RORA: variants seen among roughly 807,000 people sequenced by gnomAD.
The protein encoded by RORA is nuclear receptor ROR-alpha.
A neutral mutation model predicts 69.5 loss-of-function variants in RORA; 7 were observed. The observed-to-expected ratio is 0.10, with a 90% CI of 0.06 to 0.19. The LOEUF (loss-of-function observed/expected upper bound fraction) is 0.19. RORA is among the 10% of genes least tolerant of loss of function. RORA has a pLI of 1.00. For missense variants in RORA, 457 were observed against 663.0 expected (o/e 0.69, Z 3.41); for synonymous variants, 261 against 240.8 (o/e 1.08, Z -0.78).
At chr15:61,220,698 T>C (rs899971200) in intron 1 of RORA, among the ~76,000 whole-genome samples, 6 of 152,206 alleles carry the variant, frequency 3.9e-5, no homozygotes, top group Non-Finnish European at 8.8e-5. Flanking sequence ...TCAGACCTAT[T>C]CTTGCTGTTT....
intron 1 of RORA, among the ~76,000 whole-genome samples, chr15:61,086,819 T>A (rs2078632484): frequency 1.3e-5 from 2 of 152,144 alleles, no homozygotes; most frequent in Non-Finnish European, 2.9e-5. Flanking sequence ...CCAAACTCAT[T>A]TGTTTACGTA....
chr15:60,870,728 G>T (rs563814257), intron 1 of RORA, among the ~76,000 whole-genome samples: 1 of 152,324 alleles, frequency 6.6e-6, no homozygotes, highest in Admixed American at 6.5e-5. Flanking sequence ...TAGGCATTCT[G>T]GTTGTCAGTG....
intron 1 of RORA, among the ~76,000 whole-genome samples, chr15:60,840,802 T>C (rs997852989): frequency 6.6e-6 from 1 of 152,220 alleles, no homozygotes; most frequent in African/African-American, 2.4e-5. Flanking sequence ...CCTGTCTCCG[T>C]GGCCCGGCAG....
chr15:60,690,364 C>G (rs1028719763), intron 1 of RORA, among the ~76,000 whole-genome samples: 6 of 152,182 alleles, frequency 3.9e-5, no homozygotes, highest in African/African-American at 1.4e-4. Flanking sequence ...TCTGGATATC[C>G]TTTCTCTCTC....
intron 1 of RORA, among the ~76,000 whole-genome samples, chr15:60,704,800 T>C (rs1417141645): frequency 1.3e-5 from 2 of 152,186 alleles, no homozygotes; most frequent in Non-Finnish European, 2.9e-5. Context: ...TGGTTACCTT[T>C]CGGTATTGTA....
At chr15:61,162,984 G>C (rs2079509249) in intron 1 of RORA, among the ~76,000 whole-genome samples, 1 of 152,168 alleles carries the variant, frequency 6.6e-6, no homozygotes, top group Non-Finnish European at 1.5e-5. Context: ...CGATTCATAA[G>C]GTGCAAGGAC....
intron 1 of RORA, among the ~76,000 whole-genome samples, chr15:61,145,578 G>C (rs375488052): frequency 2.0e-5 from 3 of 152,180 alleles, no homozygotes; most frequent in African/African-American, 7.2e-5. Flanking sequence ...CTGAGAAAGA[G>C]TAACAGAGAA....
intron 1 of RORA, among the ~76,000 whole-genome samples, chr15:61,179,982 A>G (rs889589565): frequency 9.0e-5 from 13 of 143,794 alleles, no homozygotes; most frequent in Non-Finnish European, 1.7e-4. Flanking sequence ...CTAAAAAAAA[A>G]AACAAAAAAA....
chr15:60,749,867 C>T (rs11071553), intron 1 of RORA, among the ~76,000 whole-genome samples: 1 of 151,816 alleles, frequency 6.6e-6, no homozygotes, highest in Non-Finnish European at 1.5e-5. Context: ...GTCTCTACTA[C>T]AAATTACAAA....
At chr15:60,962,674 G>A (rs1312904936) in intron 1 of RORA, among the ~76,000 whole-genome samples, 4 of 152,170 alleles carry the variant, frequency 2.6e-5, no homozygotes, top group Admixed American at 6.5e-5. Flanking sequence ...GCCTGAACAC[G>A]TCCACCTGCC....
chr15:60,531,874 GT>G lies in RORA; in HGVS notation c.197-24del. 6.8e-7 allele frequency: 1 copy of G among 1,478,046 alleles called. No homozygotes were observed. Among genetic ancestry groups the G allele is most frequent in the Non-Finnish European group, 9.3e-7 (1 of 1,078,488 alleles). The allele number at this position is 1,478,046 out of a possible 1,614,324, so 91.6% of individuals were successfully genotyped here. A position where few individuals can be genotyped will look rare whatever the true frequency, so the allele number is the denominator to read the frequency against. On this transcript the variant is annotated intron_variant, in intron 2 of 10. Transcript: ENST00000335670. This position sits in a 1 kb window ranked among gnomAD's most constrained non-coding sequence, Gnocchi z 4.8. ...GAGCTGCAACAGAAGCACGCAACCAGTTAATTACATTTTCTTTTAAACACCT... is the reference window on the plus strand; with the variant it reads ...GAGCTGCAACAGAAGCACGCAACCAGTAATTACATTTTCTTTTAAACACCT...
At position 60,917,935 on chromosome 15, in the gene RORA, C is replaced by A. The variant is rs374846422; in HGVS notation, c.167-239249G>T. ...CACACCCAACTGAATCAGACGCAGC[C>A]CTCTGAGCACAAAAGTGGGATGGCC... On this transcript the variant is annotated intron_variant, in intron 1 of 10. Coordinates refer to ENST00000335670, the MANE Select transcript of RORA (RefSeq NM_134261.3). 2.6e-5 allele frequency among the ~76,000 whole-genome samples: 4 copies of A among 152,342 alleles called. No homozygotes were observed. The South Asian group carries it at 8.3e-4, about 32-fold the overall frequency.
chr15:60,530,937 G>A (rs1341759218), intron 3 of RORA: 4 of 152,106 alleles, frequency 2.6e-5, no homozygotes, highest in African/African-American at 9.7e-5. Context: ...ATAAGCATGA[G>A]GATTTAAATC....
At chr15:60,840,832 T>G (rs1462318779) in intron 1 of RORA, among the ~76,000 whole-genome samples, 1 of 152,204 alleles carries the variant, frequency 6.6e-6, no homozygotes, top group African/African-American at 2.4e-5. Context: ...CAAAGCATCC[T>G]GCCTGGCACT....
At chr15:61,181,767 T>C (rs2079688825) in intron 1 of RORA, among the ~76,000 whole-genome samples, 1 of 151,122 alleles carries the variant, frequency 6.6e-6, no homozygotes, top group South Asian at 2.1e-4. Context: ...AATTAAGATG[T>C]TGCCCAGAAT....
chr15:61,209,334 G>A (rs929364781), intron 1 of RORA, among the ~76,000 whole-genome samples: 1 of 151,908 alleles, frequency 6.6e-6, no homozygotes, highest in African/African-American at 2.4e-5. Flanking sequence ...ATTACCTTGG[G>A]TTTCACTACT....
intron 1 of RORA, among the ~76,000 whole-genome samples, chr15:60,725,725 T>G (rs1355376627): frequency 6.6e-6 from 1 of 152,232 alleles, no homozygotes; most frequent in African/African-American, 2.4e-5. Flanking sequence ...TTGTGACTTG[T>G]GCCTTTCGGG....
At chr15:60,633,591 G>C (rs1374734337) in intron 2 of RORA, among the ~76,000 whole-genome samples, 1 of 152,208 alleles carries the variant, frequency 6.6e-6, no homozygotes, top group Non-Finnish European at 1.5e-5. Flanking sequence ...CCTGGTTCCT[G>C]AGAGCTGGCA....
intron 2 of RORA, chr15:60,614,949 C>T (rs754542623): frequency 1.9e-6 from 3 of 1,614,030 alleles, no homozygotes; most frequent in Admixed American, 1.7e-5. Context: ...TAATAAAGTT[C>T]TTGGCTGTGG....
Sources: allele counts gnomAD v4.1 joint callset (sites outside exome capture counted in the v4.1 genomes callset), GRCh38; gene constraint gnomAD v4.1.1; non-coding constraint Gnocchi (gnomAD v3.1); transcripts MANE v1.5; gene names NCBI Gene and HGNC (gene_info 2026-07-23, HGNC 2026-07-21).